GTF2H2C: variants seen among roughly 807,000 people sequenced by gnomAD.
The protein encoded by GTF2H2C is general transcription factor IIH subunit 2-like protein.
Under a neutral mutation model 24.8 loss-of-function variants are expected in GTF2H2C, and 5 were observed. The observed-to-expected ratio is 0.20, with a 90% CI of 0.11 to 0.42. The LOEUF (loss-of-function observed/expected upper bound fraction) is 0.42. Among genes scored for constraint, GTF2H2C ranks in the 20% least tolerant of loss-of-function variants. GTF2H2C has a pLI of 1.00. For missense variants in GTF2H2C, 45 were observed against 169.8 expected, an observed-to-expected ratio of 0.27 and a Z score of 4.08; for synonymous variants, 14 against 52.6, an observed-to-expected ratio of 0.27 and a Z score of 3.18.
chr5:69,594,436 T>TAC lies in GTF2H2C; in HGVS notation c.*2279_*2280dup, dbSNP rs67773295. The TAC allele has an allele frequency of 0.11, 16,511 of 144,242 alleles. 253 individuals carry two copies. Among genetic ancestry groups the TAC allele is most frequent in the African/African-American group, 0.17 (6,718 of 39,440 alleles). The allele number at this position is 144,242 out of a possible 1,614,324, so 8.9% of individuals were successfully genotyped here. Reference sequence around the variant, plus strand: ...GGAGCCCAGGAATATTCATTTTTAATACACACACACACACACACACACACA... The same window carrying TAC: ...GGAGCCCAGGAATATTCATTTTTAATACACACACACACACACACACACACACA... On this transcript the variant is annotated 3_prime_UTR_variant, in exon 17 of 17. Transcript: ENST00000380729.
intron 8 of GTF2H2C, chr5:69,568,476 A>G: frequency 3.8e-6 from 1 of 263,404 alleles, no homozygotes; most frequent in Non-Finnish European, 6.9e-6. Flanking sequence ...TTATCCTGAA[A>G]TTTTTTTTTC....
rs201442523 is a variant in GTF2H2C, at chr5:69,572,518, T to C, written c.438T>C (p.Tyr146=). 7.1e-4 allele frequency: 1,108 copies of C among 1,565,046 alleles called. 2 individuals carry two copies. The Admixed American group carries it at 0.019, about 26-fold the overall frequency. The stretch of plus-strand genomic sequence containing the variant: ...CCTGCCATGGAGAGCCATCTCTTTA[T>C]AATTCCCTAAGCATGGCTATGCAGA... The part of the protein sequence containing the change: ...DMTCHGEPSL[Y]NSLSMAMQTL... Residue 146 remains tyrosine, a synonymous_variant, in exon 9 of 17, where the codon TAT becomes TAC. Coordinates refer to ENST00000380729, the MANE Select transcript of GTF2H2C (RefSeq NM_001376000.2).
chr5:69,563,868 G>A (rs1487208219), intron 2 of GTF2H2C, among the ~76,000 whole-genome samples: 4 of 151,656 alleles, frequency 2.6e-5, no homozygotes, highest in South Asian at 2.1e-4. Flanking sequence ...TCTGCCTTCC[G>A]GGTTCAAGCA....
intron 15 of GTF2H2C, among the ~76,000 whole-genome samples, chr5:69,589,875 C>CTTTTTTTTT (rs1160077149): frequency 1.1e-3 from 66 of 60,350 alleles, no homozygotes; most frequent in Admixed American, 1.6e-3. Flanking sequence ...TATTGCTATT[C>CTTTTTTTTT]TTTTTTTTTT....
At position 69,568,491 on chromosome 5, in the gene GTF2H2C, C is replaced by CTTTTTTTTT. The variant is rs1156422359; in HGVS notation, c.364+300_364+308dup. Reference sequence around the variant, plus strand: ...TTATCCTGAAATTTTTTTTTCTTTCCTTTTTTTTTTTTTTTTTTTTTTTTG... The same window carrying CTTTTTTTTT: ...TTATCCTGAAATTTTTTTTTCTTTCCTTTTTTTTTTTTTTTTTTTTTTTTTTTTTTTTTG... On this transcript the variant is annotated intron_variant, in intron 8 of 16. Transcript: ENST00000380729. 6.2e-4 allele frequency: 62 copies of CTTTTTTTTT among 100,150 alleles called. 1 individual carries two copies. The highest frequency in any genetic ancestry group is 7.9e-4 in the East Asian group (2 of 2,516). 6.2% of individuals were successfully genotyped at this position (100,150 alleles called of 1,614,324 possible). A position where few individuals can be genotyped will look rare whatever the true frequency, so the allele number is the denominator to read the frequency against.
chr5:69,562,925 T>TTCTC (rs1327866020), intron 2 of GTF2H2C, among the ~76,000 whole-genome samples, 155 bp downstream of exon 2: 1 of 136,236 alleles, frequency 7.3e-6, no homozygotes, highest in East Asian at 2.3e-4. Flanking sequence ...CCGTGCCCGT[T>TTCTC]TCTCTCTCTC....
intron 9 of GTF2H2C, among the ~76,000 whole-genome samples, chr5:69,573,184 GTA>G (rs1204363933): frequency 1.7e-5 from 1 of 59,568 alleles, no homozygotes; most frequent in Non-Finnish European, 3.9e-5. Flanking sequence ...ACACACACAC[GTA>G]TATATATATA....
At chr5:69,562,216 G>A (rs1334950577) in intron 1 of GTF2H2C, among the ~76,000 whole-genome samples, 1 of 152,216 alleles carries the variant, frequency 6.6e-6, no homozygotes, top group East Asian at 1.9e-4. Context: ...CTACTCGGGA[G>A]GCTGAGGCAG....
At chr5:69,564,019 C>A (rs1051609926) in intron 2 of GTF2H2C, among the ~76,000 whole-genome samples, 2 of 150,720 alleles carry the variant, frequency 1.3e-5, no homozygotes, top group Admixed American at 1.3e-4. Flanking sequence ...TCAGGTGATC[C>A]ACTTGCCTTG....
chr5:69,560,672 A>G (rs1770256419), intron 1 of GTF2H2C: 1 of 150,494 alleles, frequency 6.6e-6, no homozygotes, highest in Non-Finnish European at 1.5e-5. Context: ...TAGCATTCCG[A>G]GCTCATGTAA....
chr5:69,562,147 C>T (rs1481733444), intron 1 of GTF2H2C, among the ~76,000 whole-genome samples: 1 of 152,016 alleles, frequency 6.6e-6, no homozygotes, highest in Non-Finnish European at 1.5e-5. Context: ...GGCAAAACCC[C>T]ATTTCTACTA....
chr5:69,591,455 A>G (rs1580660043), intron 16 of GTF2H2C, among the ~76,000 whole-genome samples: 1 of 140,996 alleles, frequency 7.1e-6, no homozygotes, highest in African/African-American at 2.6e-5. Context: ...TTATTTATTC[A>G]TTCTTTTTTT....
chr5:69,572,140 A>G (rs1452769841), intron 8 of GTF2H2C, among the ~76,000 whole-genome samples: 1 of 151,614 alleles, frequency 6.6e-6, no homozygotes, highest in Non-Finnish European at 1.5e-5. Flanking sequence ...TGCTGATTTC[A>G]GAGATGTTAA....
In GTF2H2C at chr5:69,560,296, C is replaced by T. The variant is rs1770223173; in HGVS notation, c.-239C>T. ...CGCAGAGGTGGGGCAGGCCGTCTGA[C>T]TAGCTAGGCGGCTGGGAGCGTTTTC... On this transcript the variant is annotated 5_prime_UTR_variant, in exon 1 of 17. Transcript: ENST00000380729. 2 of 152,182 alleles carry T rather than the reference C, an allele frequency of 1.3e-5. No homozygotes were observed. The highest frequency in any genetic ancestry group is 4.2e-4 in the South Asian group (2 of 4,790). 9.4% of individuals were successfully genotyped at this position (152,182 alleles called of 1,614,324 possible).
At chr5:69,571,325 G>GAT (rs1376717623) in intron 8 of GTF2H2C, among the ~76,000 whole-genome samples, 1 of 13,404 alleles carries the variant, frequency 7.5e-5, no homozygotes, top group Non-Finnish European at 1.4e-4. Flanking sequence ...CCTGGCAACA[G>GAT]ATATATATAT....
At chr5:69,566,344 A>G in intron 4 of GTF2H2C, 136 bp downstream of exon 4, 3 of 1,141,040 alleles carry the variant, frequency 2.6e-6, no homozygotes, top group South Asian at 1.6e-5. Context: ...CTATGGGGAA[A>G]GAACTAGCCA....
At position 69,593,992 on chromosome 5, in the gene GTF2H2C, T is replaced by TATGTCTATTTTA. The variant is rs1311583539; in HGVS notation, c.*1795_*1806dup. Among the ~76,000 whole-genome samples the TATGTCTATTTTA allele has an allele frequency of 1.0e-5, 1 of 95,974 alleles. No homozygotes were observed. Among genetic ancestry groups the TATGTCTATTTTA allele is most frequent in the Non-Finnish European group, 2.1e-5 (1 of 47,626 alleles). 63.0% of individuals were successfully genotyped at this position (95,974 alleles called of 152,430 possible). ...GTAAATCAGGCTTTCATAGCAAAGG[T>TATGTCTATTTTA]ATGTCTATTTTATGTATATAAACTT... On this transcript the variant is annotated 3_prime_UTR_variant, in exon 17 of 17. Transcript: ENST00000380729.
chr5:69,566,045 ATC>A, intron 3 of GTF2H2C, 84 bp from the exon 4 acceptor site: 1 of 1,114,942 alleles, frequency 9.0e-7, no homozygotes, highest in African/African-American at 1.6e-5. Context: ...TTACATGCAA[ATC>A]TTTGTGTGGA....
At chr5:69,568,124 TTAA>T (rs1235049115) in intron 7 of GTF2H2C, 26 bp from the exon 8 acceptor site, 1 of 379,216 alleles carries the variant, frequency 2.6e-6, no homozygotes. Context: ...ACTTGTTATA[TTAA>T]TAATAATTTT....
Sources: gnomAD v4.1 joint callset for allele counts (sites outside exome capture counted in the v4.1 genomes callset) on GRCh38, gnomAD v4.1.1 for gene constraint, MANE v1.5 for transcripts, NCBI Gene and HGNC (gene_info 2026-07-23, HGNC 2026-07-21) for gene names.